IGSF11: variants seen among roughly 807,000 people sequenced by gnomAD.
IGSF11 encodes the protein immunoglobulin superfamily member 11.
In IGSF11, 22 loss-of-function variants were observed where a neutral mutation model predicts 41.0. That is an observed-to-expected ratio of 0.54 (90% CI 0.38 to 0.77). The LOEUF (loss-of-function observed/expected upper bound fraction) is 0.77, where lower values mean the gene tolerates loss of function less well. IGSF11 is among the 30% of genes least tolerant of loss of function. The probability of loss-of-function intolerance (pLI) is 0.00; values close to 1 mark genes in which losing one functional copy is unlikely to be tolerated. For missense variants in IGSF11, 444 were observed against 530.8 expected (o/e 0.84, Z 1.61); for synonymous variants, 219 against 201.3 (o/e 1.09, Z -0.74).
chr3:118,951,511 C>T (rs538797059), intron 1 of IGSF11, among the ~76,000 whole-genome samples: 45 of 152,116 alleles, frequency 3.0e-4, no homozygotes, highest in African/African-American at 1.0e-3. Context: ...TTCTTTTTCA[C>T]AAAACATCAC....
intron 1 of IGSF11, among the ~76,000 whole-genome samples, chr3:119,123,313 G>C (rs1169111167): frequency 6.6e-6 from 1 of 152,200 alleles, no homozygotes; most frequent in Admixed American, 6.5e-5. Flanking sequence ...TTGTTTGAGT[G>C]CCAGCTCAAC....
At chr3:119,084,521 A>G (rs902892833) in intron 1 of IGSF11, among the ~76,000 whole-genome samples, 1 of 152,158 alleles carries the variant, frequency 6.6e-6, no homozygotes, top group Non-Finnish European at 1.5e-5. Context: ...AGTGGAGCCC[A>G]GCCATAAGCA....
At chr3:118,965,018 C>T (rs1461355742) in intron 1 of IGSF11, among the ~76,000 whole-genome samples, 3 of 152,062 alleles carry the variant, frequency 2.0e-5, no homozygotes, top group African/African-American at 4.8e-5. Flanking sequence ...GGTTATGTAC[C>T]TTGCCCAGAG....
At chr3:119,114,763 A>T (rs545407762) in intron 1 of IGSF11, among the ~76,000 whole-genome samples, 1 of 152,326 alleles carries the variant, frequency 6.6e-6, no homozygotes, top group East Asian at 1.9e-4. Flanking sequence ...TCTTTATAGC[A>T]ATGCCCCACT....
chr3:119,046,791 G>A (rs569080726), intron 1 of IGSF11, among the ~76,000 whole-genome samples: 34 of 151,950 alleles, frequency 2.2e-4, no homozygotes, highest in East Asian at 5.8e-4. Flanking sequence ...GACTAACAGC[G>A]GATCTCTCGG....
At chr3:119,101,861 T>C (rs2076944899) in intron 1 of IGSF11, among the ~76,000 whole-genome samples, 1 of 152,226 alleles carries the variant, frequency 6.6e-6, no homozygotes, top group Non-Finnish European at 1.5e-5. Flanking sequence ...TTCCATTTCA[T>C]TTTCACTTTC....
At chr3:119,070,020 T>C (rs542580386) in intron 1 of IGSF11, among the ~76,000 whole-genome samples, 2 of 152,296 alleles carry the variant, frequency 1.3e-5, no homozygotes, top group East Asian at 1.9e-4. Context: ...CTCATTAACA[T>C]TGGGAAATAT....
intron 1 of IGSF11, among the ~76,000 whole-genome samples, chr3:118,953,292 G>A (rs369006536): frequency 1.3e-5 from 2 of 151,874 alleles, no homozygotes; most frequent in Non-Finnish European, 2.9e-5. Flanking sequence ...TTATCCACTC[G>A]TTGATTGATG....
Position 118,928,673 on chromosome 3 carries a change from C to T in IGSF11, c.260G>A (p.Arg87Gln), listed in dbSNP as rs145433873. ...QGGQMFDGAP[R>Q]FHGRVGFTGT... ...TGTAAATCCTACCCTACCGTGGAAC[C>T]GGGGGGCACCATCAAACATCTGTCC... is the stretch of plus-strand genomic sequence containing the variant. Residue 87 changes from arginine to glutamine, a missense_variant, in exon 3 of 7, where the codon CGG (arginine) becomes CAG (glutamine). By Grantham distance (43) the Arg-to-Gln change is conservative. This residue lies in a region of IGSF11 where 193 missense variants were observed against 283.5 expected (regional missense o/e 0.68). Transcript: ENST00000393775. 139 of 1,613,924 alleles carry T rather than the reference C, an allele frequency of 8.6e-5. No individual in the cohort carries two copies. In the African/African-American group the frequency reaches 1.0e-3, roughly 12 times the overall value.
chr3:118,925,974 T>C, intron 4 of IGSF11, 127 bp downstream of exon 4: 1 of 566,052 alleles, frequency 1.8e-6, no homozygotes, highest in Admixed American at 3.6e-5. Flanking sequence ...AAACACAAAA[T>C]GATCCAGAAA....
exon 1 of IGSF11, chr3:119,145,989 C>CG: frequency 1.8e-6 from 1 of 568,478 alleles, no homozygotes; most frequent in Non-Finnish European, 3.1e-6. Flanking sequence ...GTACTCCCTG[C>CG]GCTCGCCTGC....
At chr3:119,144,058 CT>C (rs2077686179) in intron 1 of IGSF11, among the ~76,000 whole-genome samples, 1 of 152,180 alleles carries the variant, frequency 6.6e-6, no homozygotes, top group Admixed American at 6.5e-5. Context: ...TAATACCCCA[CT>C]TTTTTTGTGT....
chr3:119,044,665 C>A (rs547699670), intron 1 of IGSF11, among the ~76,000 whole-genome samples: 1 of 152,242 alleles, frequency 6.6e-6, no homozygotes, highest in East Asian at 1.9e-4. Flanking sequence ...GAGGTAAAAC[C>A]ATCTGGTAAC....
At chr3:118,940,004 ATGAAAGAAGAGACATAATT>A (rs761969416) in intron 1 of IGSF11, among the ~76,000 whole-genome samples, 5 of 152,230 alleles carry the variant, frequency 3.3e-5, no homozygotes, top group Non-Finnish European at 5.9e-5. Flanking sequence ...CAATTCAGAT[ATGAAAGAAGAGACATAATT>A]ACAGATCCTA....
chr3:119,084,726 G>A (rs1029203171), intron 1 of IGSF11, among the ~76,000 whole-genome samples: 1 of 152,220 alleles, frequency 6.6e-6, no homozygotes, highest in African/African-American at 2.4e-5. Context: ...CCCAACCTGG[G>A]TCTCTTGCTT....
chr3:119,138,625 CA>C (rs1217183115), intron 1 of IGSF11, among the ~76,000 whole-genome samples: 1 of 152,120 alleles, frequency 6.6e-6, no homozygotes, highest in Non-Finnish European at 1.5e-5. Context: ...GTGGAGGTTA[CA>C]GTGAGCTGAG....
At chr3:119,063,390 G>A (rs1432067102) in intron 1 of IGSF11, among the ~76,000 whole-genome samples, 2 of 152,186 alleles carry the variant, frequency 1.3e-5, no homozygotes. Context: ...AAGCAAAACT[G>A]TGCATTTTAA....
intron 1 of IGSF11, among the ~76,000 whole-genome samples, chr3:119,084,906 G>C (rs574850394): frequency 1.3e-5 from 2 of 152,318 alleles, no homozygotes; most frequent in East Asian, 1.9e-4. Context: ...CTTGAGCTGG[G>C]GAGGAGCCCA....
At chr3:119,008,515 A>G (rs1053311561) in intron 1 of IGSF11, among the ~76,000 whole-genome samples, 1 of 152,208 alleles carries the variant, frequency 6.6e-6, no homozygotes, top group African/African-American at 2.4e-5. Context: ...TCAGGGAAAC[A>G]AGGAGGAGGA....
Sources: allele counts gnomAD v4.1 joint callset (sites outside exome capture counted in the v4.1 genomes callset), GRCh38; gene constraint gnomAD v4.1.1; regional missense constraint gnomAD v4.1.1; transcripts MANE v1.5; gene names NCBI Gene and HGNC (gene_info 2026-07-23, HGNC 2026-07-21).